The following SPTBN5 variants were observed in gnomAD, a reference collection of about 807,000 sequenced individuals.
SPTBN5 encodes spectrin beta chain, non-erythrocytic 5.
SPTBN5 carries 513 observed loss-of-function variants against 477.6 expected under a neutral mutation model. The observed-to-expected ratio is 1.07, with a 90% CI of 1.00 to 1.16. The LOEUF (loss-of-function observed/expected upper bound fraction) is 1.16, where lower values mean the gene tolerates loss of function less well. Among genes scored for constraint, SPTBN5 ranks in the 50% most tolerant of loss-of-function variants. The probability of loss-of-function intolerance (pLI) is 0.00; values close to 1 mark genes in which losing one functional copy is unlikely to be tolerated. For missense variants in SPTBN5, 5,062 were observed against 4,731.8 expected, an observed-to-expected ratio of 1.07 and a Z score of -2.05; for synonymous variants, 2,169 against 2,011.7, an observed-to-expected ratio of 1.08 and a Z score of -2.09.
intron 4 of SPTBN5, among the ~76,000 whole-genome samples, chr15:41,889,516 C>T (rs1020644511): frequency 1.3e-5 from 2 of 151,814 alleles, no homozygotes; most frequent in Non-Finnish European, 2.9e-5. Flanking sequence ...ATCCTGGGCT[C>T]AGGTTAGCTT....
At chr15:41,865,541 G>A (rs2066269858) in intron 39 of SPTBN5, among the ~76,000 whole-genome samples, 1 of 152,186 alleles carries the variant, frequency 6.6e-6, no homozygotes, top group Non-Finnish European at 1.5e-5. Flanking sequence ...GCGGGGCAGT[G>A]GGGGATAGGT....
chr15:41,887,500 AGATT>A, intron 5 of SPTBN5, 59 bp from the exon 6 acceptor site: 5 of 1,338,356 alleles, frequency 3.7e-6, no homozygotes, highest in South Asian at 1.3e-5. Context: ...TCCTTTAAGT[AGATT>A]CTTAAATGCA....
chr15:41,853,961 G>A lies in SPTBN5; in HGVS notation c.9774+89C>T, dbSNP rs1263362500. ...GGTTTCTGGAGAAGAGGCTGAAGCA[G>A]GCTGGGGTGGGAGGGCTGAGATAGG... On this transcript the variant is annotated intron_variant, in intron 57 of 67. Transcript: ENST00000320955. 1.4e-6 allele frequency: 2 copies of A among 1,472,074 alleles called. 1 individual carries two copies. Among genetic ancestry groups the A allele is most frequent in the East Asian group, 5.0e-5 (2 of 40,380 alleles). 91.2% of individuals were successfully genotyped at this position (1,472,074 alleles called of 1,614,324 possible). A position where few individuals can be genotyped will look rare whatever the true frequency, so the allele number is the denominator to read the frequency against.
chr15:41,892,831 T>C (rs1299077900), intron 3 of SPTBN5, 63 bp downstream of exon 3: 2 of 1,502,420 alleles, frequency 1.3e-6, no homozygotes, highest in African/African-American at 1.4e-5. Flanking sequence ...GGTGACCCAG[T>C]AGTTCAGCCT....
chr15:41,867,249 G>A, intron 35 of SPTBN5, 123 bp from the exon 36 acceptor site: 1 of 1,182,844 alleles, frequency 8.5e-7, no homozygotes, highest in East Asian at 2.6e-5. Flanking sequence ...CATGGCTGAG[G>A]GGTATCTGAT....
chr15:41,862,390 G>A, intron 43 of SPTBN5, 98 bp from the exon 44 acceptor site: 1 of 1,519,818 alleles, frequency 6.6e-7, no homozygotes, highest in Non-Finnish European at 8.8e-7. Flanking sequence ...AACCACAGGA[G>A]GGCCCATGGG....
chr15:41,890,683 G>C (rs2067282727), intron 3 of SPTBN5, among the ~76,000 whole-genome samples: 1 of 152,234 alleles, frequency 6.6e-6, no homozygotes, highest in African/African-American at 2.4e-5. Flanking sequence ...GGCTCCAACA[G>C]GGCCAGCTAT....
rs773695246 is a variant in SPTBN5 at position 41,855,292 on chromosome 15, C to T, written c.9355G>A (p.Ala3119Thr). The change falls in exon 55 of 68, where the codon GCC becomes ACC. Residue 3119 changes from alanine to threonine, a missense_variant. Coordinates refer to ENST00000320955, the MANE Select transcript of SPTBN5 (RefSeq NM_016642.4). ...GTGGCCGCCTTGGTGGTCAGCCAGG[C>T]GTCGAGGAGCAGGGTCTCTCGCTCC... ...QLERETLLLD[A>T]WLTTKAATAE... 65 of 1,611,824 alleles carry T rather than the reference C, an allele frequency of 4.0e-5. No homozygotes were observed. Among genetic ancestry groups the T allele is most frequent in the Admixed American group, 1.0e-4 (6 of 59,978 alleles).
At position 41,867,577 on chromosome 15, in the gene SPTBN5, G is replaced by A. The variant is rs766821492; in HGVS notation, c.6273C>T (p.His2091=). ...CAGTCAGAACCTTCAGGAAGACCTC[G>A]TGCTTGCGAATCAACTGCTCTACCT... ...VEEVEQLIRK[H]EVFLKVLTAQ... The change falls in exon 35 of 68, where the codon CAC becomes CAT. Residue 2091 remains histidine, a synonymous_variant. Coordinates refer to ENST00000320955, the MANE Select transcript of SPTBN5 (RefSeq NM_016642.4). The A allele has an allele frequency of 7.4e-6, 12 of 1,613,802 alleles. No individual in the cohort carries two copies. The highest frequency in any genetic ancestry group is 1.7e-5 in the Admixed American group (1 of 59,994).
intron 3 of SPTBN5, among the ~76,000 whole-genome samples, chr15:41,890,945 T>C (rs955544276): frequency 2.0e-5 from 3 of 152,242 alleles, no homozygotes; most frequent in Non-Finnish European, 2.9e-5. Context: ...GGGATTCTTA[T>C]AGTTCCATGG....
intron 59 of SPTBN5, 98 bp from the exon 60 acceptor site, chr15:41,853,098 G>GAAGGC: frequency 7.0e-7 from 1 of 1,436,148 alleles, no homozygotes; most frequent in African/African-American, 1.4e-5. Flanking sequence ...AGTGCAGAGG[G>GAAGGC]AAGGCTGTGA....
intron 13 of SPTBN5, among the ~76,000 whole-genome samples, chr15:41,880,705 C>G (rs1023193272): frequency 9.2e-5 from 14 of 152,218 alleles, no homozygotes; most frequent in African/African-American, 3.4e-4. Flanking sequence ...CCTGGGCCTT[C>G]GCTTCCTCCG....
intron 6 of SPTBN5, 50 bp from the exon 7 acceptor site, chr15:41,886,416 G>A: frequency 6.6e-7 from 1 of 1,515,170 alleles, no homozygotes; most frequent in Non-Finnish European, 8.8e-7. Flanking sequence ...GGCAGGCCCT[G>A]GAATGGGCAC....
At chr15:41,856,764 G>A in intron 52 of SPTBN5, 89 bp downstream of exon 52, 1 of 1,408,744 alleles carries the variant, frequency 7.1e-7, no homozygotes, top group Non-Finnish European at 9.5e-7. Context: ...CAGGCAGAGA[G>A]TTCCTGGCTG....
At chr15:41,870,196 A>C in intron 31 of SPTBN5, 47 bp downstream of exon 31, 1 of 1,522,740 alleles carries the variant, frequency 6.6e-7, no homozygotes, top group South Asian at 1.2e-5. Context: ...GGCCAGCCTG[A>C]GGGGGCTGCA....
intron 17 of SPTBN5, among the ~76,000 whole-genome samples, chr15:41,877,732 A>G (rs2066792827): frequency 6.6e-6 from 1 of 152,226 alleles, no homozygotes. Context: ...CCCTTGTGTG[A>G]ATTAGAGCAA....
At chr15:41,849,810 C>A (rs964145871) in intron 67 of SPTBN5, 59 bp downstream of exon 67, 8 of 1,342,634 alleles carry the variant, frequency 6.0e-6, no homozygotes, top group Non-Finnish European at 8.3e-6. Flanking sequence ...GAGGACAGCG[C>A]CTGCCAGCCA....
rs370013601 is a variant in SPTBN5 at position 41,851,095 on chromosome 15, C to T, written c.10799G>A (p.Arg3600Gln). The change falls in exon 65 of 68, where the codon CGG becomes CAG. Residue 3600 changes from arginine to glutamine, a missense_variant. Coordinates refer to ENST00000320955, the MANE Select transcript of SPTBN5 (RefSeq NM_016642.4). ...TGTGTGTTTCCTGCCGTGGCGGCCCCGCAGCCTCTCACACCGGGCTCCCGT... is the reference window on the plus strand; with the variant it reads ...TGTGTGTTTCCTGCCGTGGCGGCCCTGCAGCCTCTCACACCGGGCTCCCGT... ...DLTGARCERL[R>Q]GRHGRKHTFS... 183 of 1,613,094 alleles carry T rather than the reference C, an allele frequency of 1.1e-4. No individual in the cohort carries two copies. Among genetic ancestry groups the T allele is most frequent in the East Asian group, 1.0e-3 (46 of 44,880 alleles).
Position 41,893,417 on chromosome 15 carries a change from C to T in SPTBN5, c.81G>A (p.Arg27=), listed in dbSNP as rs375862105. Residue 27 remains arginine, a synonymous_variant, in exon 2 of 68, where the codon CGG becomes CGA. Coordinates refer to ENST00000320955, the MANE Select transcript of SPTBN5 (RefSeq NM_016642.4). ...HRSRRPSTEL[R]VPPSPSLTMD... is the part of the protein sequence containing the mutation. ...TGGTGAGACTTGGACTGGGCGGGACCCGGAGTTCTGTGCTGGGCCTCCTGC... is the reference window on the plus strand; with the variant it reads ...TGGTGAGACTTGGACTGGGCGGGACTCGGAGTTCTGTGCTGGGCCTCCTGC... 8 of 1,613,156 alleles carry T rather than the reference C, an allele frequency of 5.0e-6. No homozygotes were observed. Among genetic ancestry groups the T allele is most frequent in the Non-Finnish European group, 5.9e-6 (7 of 1,179,858 alleles).
Sources: gnomAD v4.1 joint callset for allele counts (sites outside exome capture counted in the v4.1 genomes callset) on GRCh38, gnomAD v4.1.1 for gene constraint, MANE v1.5 for transcripts, NCBI Gene and HGNC (gene_info 2026-07-23, HGNC 2026-07-21) for gene names.